The following ELK4 variants were observed in gnomAD, a reference collection of about 807,000 sequenced individuals.
ELK4 encodes the protein ETS domain-containing protein Elk-4.
Under a neutral mutation model 29.6 loss-of-function variants are expected in ELK4, and 16 were observed. That is an observed-to-expected ratio of 0.54 (90% CI 0.37 to 0.82). The LOEUF (loss-of-function observed/expected upper bound fraction) is 0.82. ELK4 is among the 40% of genes least tolerant of loss of function. The pLI, the probability that ELK4 is intolerant of heterozygous loss-of-function variation, is 0.00. For synonymous variants in ELK4, 213 were observed against 191.1 expected, an observed-to-expected ratio of 1.11 and a Z score of -0.95; for missense variants, 465 against 507.1, an observed-to-expected ratio of 0.92 and a Z score of 0.80.
chr1:205,620,914 C>T (rs979280379), intron 2 of ELK4, 76 bp from the exon 3 acceptor site: 13 of 1,445,506 alleles, frequency 9.0e-6, no homozygotes, highest in African/African-American at 2.8e-5. Flanking sequence ...AAGCTGGCAT[C>T]GGCCAGGCAC....
At position 205,623,879 on chromosome 1, in the gene ELK4, C is replaced by A; in HGVS notation, c.4G>T (p.Asp2Tyr). The A allele has an allele frequency of 6.2e-7, 1 of 1,613,768 alleles. No individual in the cohort carries two copies. Among genetic ancestry groups the A allele is most frequent in the Non-Finnish European group, 8.5e-7 (1 of 1,179,690 alleles). Reference protein sequence around the residue: MDSAITLWQFLL... With the variant: MYSAITLWQFLL... ...AACTGCCACAGGGTGATAGCACTGT[C>A]CATAGCAATGAGCTGAAAGAATATA... Residue 2 changes from aspartate (D) to tyrosine (Y), a missense_variant, in exon 2 of 5, where the codon GAC becomes TAC. Physicochemically the swap from Asp to Tyr is radical, Grantham distance 160. This residue lies in a region of ELK4 where 385 missense variants were observed against 387.5 expected (regional missense o/e 0.99). Coordinates refer to ENST00000357992, the MANE Select transcript of ELK4 (RefSeq NM_001973.4).
chr1:205,622,913 G>A (rs1670376708), intron 2 of ELK4, among the ~76,000 whole-genome samples: 1 of 152,086 alleles, frequency 6.6e-6, no homozygotes, highest in African/African-American at 2.4e-5. Flanking sequence ...CAAGGCAGGT[G>A]GATCACCTCA....
chr1:205,629,576 G>C (rs1276470157), intron 1 of ELK4, among the ~76,000 whole-genome samples: 1 of 152,070 alleles, frequency 6.6e-6, no homozygotes, highest in African/African-American at 2.4e-5. Flanking sequence ...AATTACCTGG[G>C]CGTGGTGGTG....
chr1:205,620,008 T>G lies in ELK4; in HGVS notation c.1038A>C (p.Pro346=). 6.2e-7 allele frequency: 1 copy of G among 1,614,202 alleles called. No individual in the cohort carries two copies. The highest frequency in any genetic ancestry group is 8.5e-7 in the Non-Finnish European group (1 of 1,180,028). The change falls in exon 3 of 5, where the codon CCA becomes CCC. Residue 346 remains proline (P), a synonymous_variant. Coordinates refer to ENST00000357992, the MANE Select transcript of ELK4 (RefSeq NM_001973.4). ...GTGTAAGAGAAGCTGTAGGGAGAGA[T>G]GGGCTCAGTATTCCCAGTGGGCTTG... ...SDPSPLGILS[P]SLPTASLTPA...
At position 205,623,870 on chromosome 1, in the gene ELK4, T is replaced by C. The variant is rs138936782; in HGVS notation, c.13A>G (p.Ile5Val). ...TGAAGAAGGAACTGCCACAGGGTGATAGCACTGTCCATAGCAATGAGCTGA... is the reference window on the plus strand; with the variant it reads ...TGAAGAAGGAACTGCCACAGGGTGACAGCACTGTCCATAGCAATGAGCTGA... MDSA[I>V]TLWQFLLQLL... Residue 5 changes from isoleucine to valine, a missense_variant, in exon 2 of 5, where the codon ATC becomes GTC. Physicochemically the swap from Ile to Val is conservative, Grantham distance 29 (BLOSUM62 3). Around this residue, in one of 2 missense-constraint regions of ELK4, gnomAD observed 385 missense variants for 387.5 expected, o/e 0.99. Coordinates refer to ENST00000357992, the MANE Select transcript of ELK4 (RefSeq NM_001973.4). 27 of 1,614,126 alleles carry C rather than the reference T, an allele frequency of 1.7e-5. No individual in the cohort carries two copies. The highest frequency in any genetic ancestry group is 1.7e-5 in the Non-Finnish European group (20 of 1,180,050).
rs549762293 is a variant in ELK4 at position 205,619,088 on chromosome 1, G to C, written c.1081-15C>G. ...ATGATGGGTGTCTGCAATACACAAA[G>C]CAAAAATATTCACTGACTGACTTAC... On this transcript the variant is annotated splice_polypyrimidine_tract_variant and intron_variant, in intron 3 of 4. Transcript: ENST00000357992. The C allele has an allele frequency of 4.7e-6, 7 of 1,505,366 alleles. No homozygotes were observed. The South Asian group carries it at 9.4e-5, about 20-fold the overall frequency. The allele number at this position is 1,505,366 out of a possible 1,614,324, so 93.3% of individuals were successfully genotyped here.
intron 2 of ELK4, 38 bp downstream of exon 2, chr1:205,623,638 A>G (rs747716675): frequency 6.2e-7 from 1 of 1,604,744 alleles, no homozygotes; most frequent in Admixed American, 1.7e-5. Context: ...TCTTGTCTGG[A>G]GGTTCTCTGT....
chr1:205,619,268 T>C (rs968144137), intron 3 of ELK4, 195 bp from the exon 4 acceptor site: 23 of 1,046,708 alleles, frequency 2.2e-5, no homozygotes, highest in Non-Finnish European at 2.5e-5. Context: ...TAATAACTAC[T>C]TAAAATTTTT....
At chr1:205,625,886 T>A in intron 1 of ELK4, 1 of 672,138 alleles carries the variant, frequency 1.5e-6, no homozygotes, top group South Asian at 1.5e-5. Context: ...ACCATGTTGG[T>A]CAGGCTGGTC....
Position 205,608,276 on chromosome 1 carries a change from T to C in ELK4, c.*8270A>G, listed in dbSNP as rs1558017191. ...GTCTGGAGATGCACTGAGTATCAAC[T>C]ACACATTTTTTTTTTCAAGCAGCAT... On this transcript the variant is annotated 3_prime_UTR_variant, in exon 5 of 5. Coordinates refer to ENST00000357992, the MANE Select transcript of ELK4 (RefSeq NM_001973.4). The C allele has an allele frequency of 5.1e-6, 1 of 196,290 alleles. No individual in the cohort carries two copies. The highest frequency in any genetic ancestry group is 2.3e-5 in the African/African-American group (1 of 43,278). 12.2% of individuals were successfully genotyped at this position (196,290 alleles called of 1,614,324 possible).
At position 205,615,694 on chromosome 1, in the gene ELK4, TA is replaced by T. The variant is rs373362066; in HGVS notation, c.*851del. Reference sequence around the variant, plus strand: ...TATTCAAAATCCAAGTTCATCCTCCTAAAAGTGATCATTTCCCATGCTGTAT... The same window carrying T: ...TATTCAAAATCCAAGTTCATCCTCCTAAAGTGATCATTTCCCATGCTGTAT... On this transcript the variant is annotated 3_prime_UTR_variant, in exon 5 of 5. Coordinates refer to ENST00000357992, the MANE Select transcript of ELK4 (RefSeq NM_001973.4). 5 of 208,902 alleles carry T rather than the reference TA, an allele frequency of 2.4e-5. No homozygotes were observed. The highest frequency in any genetic ancestry group is 9.1e-5 in the African/African-American group (4 of 44,118). The allele number at this position is 208,902 out of a possible 1,614,324, so 12.9% of individuals were successfully genotyped here.
chr1:205,625,455 A>C (rs941526852), intron 1 of ELK4: 15 of 618,504 alleles, frequency 2.4e-5, no homozygotes, highest in Non-Finnish European at 4.5e-5. Flanking sequence ...CCTTCAGCCC[A>C]GCCTAGTTCA....
At chr1:205,630,193 G>A (rs577672240) in intron 1 of ELK4, among the ~76,000 whole-genome samples, 50 of 152,152 alleles carry the variant, frequency 3.3e-4, no homozygotes, top group African/African-American at 1.2e-3. Context: ...TATAACAAAG[G>A]AAGAAAACAC....
Position 205,620,400 on chromosome 1 carries a change from G to T in ELK4, c.646C>A (p.Pro216Thr). The change falls in exon 3 of 5, where the codon CCA (proline) becomes ACA (threonine). Residue 216 changes from proline to threonine, a missense_variant. Physicochemically the swap from Pro to Thr is conservative, Grantham distance 38. Transcript: ENST00000357992. ...GCTTGGATAGTTTCTTCTGAAGATG[G>T]AGAAATACTTGGGCCAATTGAAATG... ...ATISIGPSISPSSEETIQALE... is the reference protein window; with the variant it reads ...ATISIGPSISTSSEETIQALE... 1 of 1,614,184 alleles carries T rather than the reference G, an allele frequency of 6.2e-7. No homozygotes were observed. Among genetic ancestry groups the T allele is most frequent in the Non-Finnish European group, 8.5e-7 (1 of 1,180,028 alleles).
intron 3 of ELK4, 133 bp downstream of exon 3, chr1:205,619,833 T>A: frequency 6.3e-7 from 1 of 1,583,414 alleles, no homozygotes; most frequent in Non-Finnish European, 8.6e-7. Context: ...AACTTTCACA[T>A]GACAGTCACA....
chr1:205,619,114 C>A, intron 3 of ELK4, 41 bp from the exon 4 acceptor site: 1 of 1,456,518 alleles, frequency 6.9e-7, no homozygotes, highest in African/African-American at 1.4e-5. Context: ...ACTGACTTAC[C>A]AGGATGTTTT....
Position 205,620,124 on chromosome 1 carries a change from G to A in ELK4, c.922C>T (p.Leu308=). The change falls in exon 3 of 5, where the codon CTA becomes TTA. Residue 308 remains leucine (L), a synonymous_variant. Coordinates refer to ENST00000357992, the MANE Select transcript of ELK4 (RefSeq NM_001973.4). ...LEPKDQDSVL[L]EKDKVNNSSR... ...GAATTATTTACTTTGTCCTTTTCTA[G>A]CAAGACTGAATCCTGGTCTTTAGGC... The A allele has an allele frequency of 8.1e-6, 13 of 1,614,230 alleles. No homozygotes were observed. Among genetic ancestry groups the A allele is most frequent in the Non-Finnish European group, 1.1e-5 (13 of 1,180,042 alleles).
rs1378687012 is a variant in ELK4, at chr1:205,612,851, T to C, written c.*3695A>G. ...GACTTTTAAAATCTGTAATATAGTA[T>C]GTAAATCTTCAAGGAATTTTCCAGT... On this transcript the variant is annotated 3_prime_UTR_variant, in exon 5 of 5. Coordinates refer to ENST00000357992, the MANE Select transcript of ELK4 (RefSeq NM_001973.4). 2 of 203,932 alleles carry C rather than the reference T, an allele frequency of 9.8e-6. No individual in the cohort carries two copies. Among genetic ancestry groups the C allele is most frequent in the African/African-American group, 4.6e-5 (2 of 43,684 alleles). The allele number at this position is 203,932 out of a possible 1,614,324, so 12.6% of individuals were successfully genotyped here.
chr1:205,624,376 TA>T (rs36056386), intron 1 of ELK4, among the ~76,000 whole-genome samples: 18,102 of 152,134 alleles, frequency 0.12, 1,305 homozygotes, highest in East Asian at 0.34. Flanking sequence ...CCTGTGAGTG[TA>T]TGTGTTTGTG....
Sources: gnomAD v4.1 joint callset for allele counts (sites outside exome capture counted in the v4.1 genomes callset) on GRCh38, gnomAD v4.1.1 for gene constraint, gnomAD v4.1.1 regional missense constraint, MANE v1.5 for transcripts, NCBI Gene and HGNC (gene_info 2026-07-23, HGNC 2026-07-21) for gene names.